The following CCNY variants were observed in gnomAD, a reference collection of about 807,000 sequenced individuals.
The protein encoded by CCNY is cyclin Y.
A neutral mutation model predicts 42.8 loss-of-function variants in CCNY; 19 were observed. The ratio of observed to expected loss-of-function variants is 0.44; its 90% CI spans 0.31 to 0.65. The LOEUF is 0.65. CCNY is among the 30% of genes least tolerant of loss of function. The pLI is 0.07. For missense variants in CCNY, 370 were observed against 437.3 expected, an observed-to-expected ratio of 0.85 and a Z score of 1.37; for synonymous variants, 165 against 162.7, an observed-to-expected ratio of 1.01 and a Z score of -0.11.
chr10:35,547,194 A>G (rs1482835791), intron 7 of CCNY, among the ~76,000 whole-genome samples: 3 of 152,182 alleles, frequency 2.0e-5, no homozygotes, highest in Non-Finnish European at 4.4e-5. Flanking sequence ...AAGAGTTACG[A>G]TGTTCACACA....
intron 4 of CCNY, 149 bp from the exon 5 acceptor site, chr10:35,525,815 A>G (rs1840640627): frequency 3.9e-6 from 2 of 514,476 alleles, no homozygotes; most frequent in African/African-American, 2.0e-5. Context: ...ACATTTTCCT[A>G]ATGAGCATTG....
At position 35,569,540 on chromosome 10, in the gene CCNY, C is replaced by A; in HGVS notation, c.*370C>A. On this transcript the variant is annotated 3_prime_UTR_variant, in exon 10 of 10. Transcript: ENST00000374704. ...AAGTTGGCGAGCGCAGCGGTGGATG[C>A]AGAGCTGGCTGCACCCAGGGCTGGG... 3.6e-6 allele frequency: 1 copy of A among 279,268 alleles called. No individual in the cohort carries two copies. The highest frequency in any genetic ancestry group is 8.0e-5 in the East Asian group (1 of 12,558). The allele number at this position is 279,268 out of a possible 1,614,324, so 17.3% of individuals were successfully genotyped here.
At chr10:35,539,006 C>T (rs1273837505) in intron 7 of CCNY, among the ~76,000 whole-genome samples, 1 of 152,140 alleles carries the variant, frequency 6.6e-6, no homozygotes, top group African/African-American at 2.4e-5. Flanking sequence ...TCCAGTTGTC[C>T]CAGTGCCTTT....
At chr10:35,264,546 T>C (rs1246115102) in intron 3 of CCNY, among the ~76,000 whole-genome samples, 1 of 152,234 alleles carries the variant, frequency 6.6e-6, no homozygotes, top group Non-Finnish European at 1.5e-5. Context: ...TAGTTTTGAT[T>C]TGCATTTCTC....
In CCNY at chr10:35,570,858, G is replaced by A. The variant is rs955569705; in HGVS notation, c.*1688G>A. ...TTAGTGAAATTTGTGTCAGGTATAA[G>A]CATACCTGTTTGGGCCAGAATTATT... On this transcript the variant is annotated 3_prime_UTR_variant, in exon 10 of 10. Transcript: ENST00000374704. 1 of 152,304 alleles carries A rather than the reference G, an allele frequency of 6.6e-6. No individual in the cohort carries two copies. Among genetic ancestry groups the A allele is most frequent in the Non-Finnish European group, 1.5e-5 (1 of 68,020 alleles). The allele number at this position is 152,304 out of a possible 1,614,324, so 9.4% of individuals were successfully genotyped here. A position where few individuals can be genotyped will look rare whatever the true frequency, so the allele number is the denominator to read the frequency against.
rs1276100382 is a variant in CCNY, at chr10:35,570,018, T to C, written c.*848T>C. The C allele has an allele frequency of 1.3e-5, 2 of 152,766 alleles. No homozygotes were observed. The highest frequency in any genetic ancestry group is 4.8e-5 in the African/African-American group (2 of 41,438). The allele number at this position is 152,766 out of a possible 1,614,324, so 9.5% of individuals were successfully genotyped here. On this transcript the variant is annotated 3_prime_UTR_variant, in exon 10 of 10. Coordinates refer to ENST00000374704, the MANE Select transcript of CCNY (RefSeq NM_145012.6). ...AGACTTTGTGGGCTGAAGGACACGG[T>C]GCAGCAGAGGGTGTCCCTGTGAGAG...
rs956580490 is a variant in CCNY at position 35,314,425 on chromosome 10, G to A, written c.-9+63799G>A. ...TATTCACCACCAAGAGAACAGTATGGGGTAAACTGCCCCCATGATTCAATT... is the reference window on the plus strand; with the variant it reads ...TATTCACCACCAAGAGAACAGTATGAGGTAAACTGCCCCCATGATTCAATT... On this transcript the variant is annotated intron_variant, in intron 3 of 11. Coordinates refer to the CCNY transcript ENST00000374706. 2.6e-5 allele frequency: 4 copies of A among 152,048 alleles called. No individual in the cohort carries two copies. The East Asian group carries it at 7.7e-4, about 29-fold the overall frequency. 9.4% of individuals were successfully genotyped at this position (152,048 alleles called of 1,614,324 possible). A position where few individuals can be genotyped will look rare whatever the true frequency, so the allele number is the denominator to read the frequency against.
At chr10:35,406,534 A>C (rs1837777018) in intron 1 of CCNY, among the ~76,000 whole-genome samples, 4 of 152,138 alleles carry the variant, frequency 2.6e-5, no homozygotes, top group Admixed American at 2.6e-4. Flanking sequence ...TTCAGAGAGC[A>C]CAGGGTTGGG....
In CCNY at chr10:35,485,984, A is replaced by G. The variant is rs1839780821; in HGVS notation, c.229+2506A>G. Among the ~76,000 whole-genome samples the G allele has an allele frequency of 2.0e-5, 3 of 152,104 alleles. No individual in the cohort carries two copies. The South Asian group carries it at 6.2e-4, about 32-fold the overall frequency. On this transcript the variant is annotated intron_variant, in intron 2 of 9. Coordinates refer to ENST00000374704, the MANE Select transcript of CCNY (RefSeq NM_145012.6). ...CACAGTTCCTCATGGCATTTATGTCAACTGTCGTGTCTAACCATATTTTTC... is the reference window on the plus strand; with the variant it reads ...CACAGTTCCTCATGGCATTTATGTCGACTGTCGTGTCTAACCATATTTTTC...
At chr10:35,546,772 C>T (rs1283253923) in intron 7 of CCNY, among the ~76,000 whole-genome samples, 3 of 152,228 alleles carry the variant, frequency 2.0e-5, no homozygotes, top group Middle Eastern at 3.4e-3. Flanking sequence ...TTTTCCCAAA[C>T]ATTAAGTATT....
intron 3 of CCNY, among the ~76,000 whole-genome samples, chr10:35,309,967 AT>A (rs1395567827): frequency 6.6e-6 from 1 of 151,610 alleles, no homozygotes; most frequent in Non-Finnish European, 1.5e-5. Flanking sequence ...TGCCCAGCTA[AT>A]TTTTTGTATT....
chr10:35,280,410 G>GA (rs1835286817), intron 3 of CCNY, among the ~76,000 whole-genome samples: 1 of 150,384 alleles, frequency 6.6e-6, no homozygotes, highest in Non-Finnish European at 1.5e-5. Flanking sequence ...AGGAAGGAAG[G>GA]AAGAAAGGAA....
At chr10:35,266,249 CTTTTTTTT>C (rs773886027) in intron 3 of CCNY, among the ~76,000 whole-genome samples, 3 of 110,126 alleles carry the variant, frequency 2.7e-5, no homozygotes, top group Admixed American at 1.0e-4. Context: ...GGCTAATTTC[CTTTTTTTT>C]TTTTTTTTTT....
chr10:35,330,291 A>G (rs1835927080), intron 3 of CCNY, among the ~76,000 whole-genome samples: 1 of 152,140 alleles, frequency 6.6e-6, no homozygotes, highest in Admixed American at 6.6e-5. Context: ...GCATCTGACA[A>G]TCCTAATTTT....
intron 1 of CCNY, among the ~76,000 whole-genome samples, chr10:35,429,691 A>G (rs143660452): frequency 3.3e-5 from 5 of 152,322 alleles, no homozygotes; most frequent in African/African-American, 9.6e-5. Flanking sequence ...GTAAATTGGT[A>G]GCTGCATTTG....
At chr10:35,324,557 A>G (rs1177762125) in intron 3 of CCNY, among the ~76,000 whole-genome samples, 1 of 152,208 alleles carries the variant, frequency 6.6e-6, no homozygotes, top group Admixed American at 6.5e-5. Context: ...ATCTCATTGA[A>G]AAGAGTTTGT....
At chr10:35,479,674 G>A (rs2135360909) in intron 1 of CCNY, among the ~76,000 whole-genome samples, 2 of 150,520 alleles carry the variant, frequency 1.3e-5, no homozygotes, top group East Asian at 2.0e-4. Flanking sequence ...CGAGTTAGTG[G>A]GTGCAGCACA....
chr10:35,315,992 C>T (rs1835755102), intron 3 of CCNY, among the ~76,000 whole-genome samples: 1 of 152,170 alleles, frequency 6.6e-6, no homozygotes, highest in Non-Finnish European at 1.5e-5. Flanking sequence ...TACTCTATCC[C>T]ATATAAGTGT....
upstream of CCNY, among the ~76,000 whole-genome samples, chr10:35,331,826 T>C (rs886881194): frequency 2.6e-5 from 4 of 152,256 alleles, no homozygotes; most frequent in Admixed American, 1.3e-4. Context: ...TAGGTATTTA[T>C]AGGCGGCAGG....
Sources: allele counts gnomAD v4.1 joint callset (sites outside exome capture counted in the v4.1 genomes callset), GRCh38; gene constraint gnomAD v4.1.1; transcripts MANE v1.5; gene names NCBI Gene and HGNC (gene_info 2026-07-23, HGNC 2026-07-21).